Variants in ATP8A2 observed in about 807,000 individuals in gnomAD.
The protein encoded by ATP8A2 is phospholipid-transporting ATPase IB.
Under a neutral mutation model 165.6 loss-of-function variants are expected in ATP8A2, and 100 were observed. The ratio of observed to expected loss-of-function variants is 0.60; its 90% CI spans 0.51 to 0.71. The LOEUF (loss-of-function observed/expected upper bound fraction) is 0.71. Among genes scored for constraint, ATP8A2 ranks in the 30% least tolerant of loss-of-function variants. The pLI is 0.00. For missense variants in ATP8A2, 1,227 were observed against 1,479.5 expected (o/e 0.83, Z 2.80); for synonymous variants, 543 against 548.8 (o/e 0.99, Z 0.15).
chr13:25,538,492 G>A (rs549211118), intron 7 of ATP8A2, among the ~76,000 whole-genome samples: 7 of 152,160 alleles, frequency 4.6e-5, no homozygotes, highest in Non-Finnish European at 5.9e-5. Flanking sequence ...TTTTCTCAGC[G>A]TAATCGTGAC....
At chr13:25,722,999 C>G (rs2043414265) in intron 25 of ATP8A2, among the ~76,000 whole-genome samples, 1 of 152,168 alleles carries the variant, frequency 6.6e-6, no homozygotes, top group Non-Finnish European at 1.5e-5. Context: ...GTGTTAATTC[C>G]TGTAGGTGGA....
At chr13:25,919,770 T>G (rs1440890220) in intron 33 of ATP8A2, among the ~76,000 whole-genome samples, 1 of 152,158 alleles carries the variant, frequency 6.6e-6, no homozygotes, top group Non-Finnish European at 1.5e-5. Flanking sequence ...TTGTCAGTTT[T>G]GGGAGATTTT....
At chr13:25,688,954 T>C (rs2042665244) in intron 24 of ATP8A2, among the ~76,000 whole-genome samples, 2 of 152,258 alleles carry the variant, frequency 1.3e-5, no homozygotes, top group African/African-American at 4.8e-5. Flanking sequence ...ATGATCTTCC[T>C]TCACTATTTC....
At chr13:25,744,897 A>C (rs1006966290) in intron 25 of ATP8A2, among the ~76,000 whole-genome samples, 9 of 151,898 alleles carry the variant, frequency 5.9e-5, no homozygotes, top group Admixed American at 3.9e-4. Flanking sequence ...TGGGGAGTAC[A>C]TAGGGGAGCA....
chr13:25,676,590 C>T (rs17082637), intron 24 of ATP8A2, among the ~76,000 whole-genome samples: 5,449 of 152,156 alleles, frequency 0.036, 157 homozygotes, highest in East Asian at 0.13. Flanking sequence ...CTCTGCCTCA[C>T]GAGAAAGCTC....
chr13:25,483,345 A>C (rs902476796), intron 2 of ATP8A2, among the ~76,000 whole-genome samples: 1 of 152,118 alleles, frequency 6.6e-6, no homozygotes, highest in African/African-American at 2.4e-5. Context: ...AAGGTGATTG[A>C]CCTCAGAATA....
intron 10 of ATP8A2, among the ~76,000 whole-genome samples, chr13:25,547,418 T>A (rs914179827): frequency 6.6e-6 from 1 of 152,068 alleles, no homozygotes; most frequent in Admixed American, 6.5e-5. Context: ...GAGCGTGAAC[T>A]CTGTTGTGAA....
chr13:25,990,594 G>T (rs541219363), intron 35 of ATP8A2, among the ~76,000 whole-genome samples: 1 of 152,234 alleles, frequency 6.6e-6, no homozygotes, highest in Admixed American at 6.5e-5. Flanking sequence ...AGGGAGGGAA[G>T]CACAGTAGGA....
intron 2 of ATP8A2, among the ~76,000 whole-genome samples, chr13:25,510,161 C>G (rs2037175912): frequency 6.9e-6 from 1 of 145,752 alleles, no homozygotes; most frequent in South Asian, 2.2e-4. Flanking sequence ...TTTGTCTGTT[C>G]CCGTCTGTCT....
chr13:25,773,926 C>T (rs986665718), intron 26 of ATP8A2, among the ~76,000 whole-genome samples: 6 of 152,026 alleles, frequency 3.9e-5, no homozygotes, highest in Non-Finnish European at 5.9e-5. Flanking sequence ...TTTTAAACTA[C>T]GCAGTTGTTA....
rs550337429 is a variant in ATP8A2, at chr13:25,901,340, T to C, written c.3183+38932T>C. ...GACTGAACCGAAAGGGCCTTGGGAG[T>C]GTTATGGGATTGGAGAACTTTTCCT... On this transcript the variant is annotated intron_variant, in intron 33 of 36. Transcript: ENST00000381655. Among the ~76,000 whole-genome samples, 461 of 150,794 alleles carry C rather than the reference T, an allele frequency of 3.1e-3. 2 individuals carry two copies. Among genetic ancestry groups the C allele is most frequent in the African/African-American group, 0.011 (445 of 40,988 alleles).
intron 1 of ATP8A2, among the ~76,000 whole-genome samples, chr13:25,467,585 T>TC: frequency 6.6e-6 from 1 of 151,210 alleles, no homozygotes; most frequent in East Asian, 1.9e-4. Flanking sequence ...ACGAGTCTCC[T>TC]TGTCGCCCAG....
chr13:25,946,343 C>T (rs146975352), intron 33 of ATP8A2, among the ~76,000 whole-genome samples: 1,930 of 152,212 alleles, frequency 0.013, 20 homozygotes, highest in Middle Eastern at 0.021. Flanking sequence ...GAGAAACACC[C>T]CAGGAAATCC....
intron 24 of ATP8A2, chr13:25,591,151 G>A (rs1382907433): frequency 7.4e-6 from 3 of 404,824 alleles, no homozygotes; most frequent in East Asian, 1.4e-4. Flanking sequence ...GTGTGTGTGT[G>A]TGTGTGTGTA....
chr13:25,478,128 A>C (rs1353996115), intron 2 of ATP8A2, among the ~76,000 whole-genome samples: 1 of 152,050 alleles, frequency 6.6e-6, no homozygotes, highest in Admixed American at 6.6e-5. Context: ...CAGTATCTTC[A>C]TATGTTTGTT....
chr13:25,918,307 G>T (rs1277569266), intron 33 of ATP8A2, among the ~76,000 whole-genome samples: 2 of 152,106 alleles, frequency 1.3e-5, no homozygotes, highest in Non-Finnish European at 2.9e-5. Flanking sequence ...TAGGAAGGAG[G>T]GAAATTTGTA....
chr13:25,611,214 G>A (rs1593645669), intron 24 of ATP8A2, among the ~76,000 whole-genome samples: 1 of 152,158 alleles, frequency 6.6e-6, no homozygotes, highest in East Asian at 1.9e-4. Flanking sequence ...GGGCATTCTT[G>A]TCTTGTTCCA....
intron 1 of ATP8A2, among the ~76,000 whole-genome samples, chr13:25,439,559 C>T (rs2034873505): frequency 6.6e-6 from 1 of 152,144 alleles, no homozygotes; most frequent in Non-Finnish European, 1.5e-5. Flanking sequence ...GACACATTTG[C>T]CACATATGGT....
chr13:25,835,413 A>T (rs1305232758), intron 28 of ATP8A2, among the ~76,000 whole-genome samples: 1 of 152,016 alleles, frequency 6.6e-6, no homozygotes, highest in Non-Finnish European at 1.5e-5. Context: ...TACTCACCAC[A>T]CATCTGATTG....
Sources: gnomAD v4.1 joint callset for allele counts (sites outside exome capture counted in the v4.1 genomes callset) on GRCh38, gnomAD v4.1.1 for gene constraint, MANE v1.5 for transcripts, NCBI Gene and HGNC (gene_info 2026-07-23, HGNC 2026-07-21) for gene names.